Variants in MUSK observed in about 807,000 individuals in gnomAD.
MUSK encodes muscle associated receptor tyrosine kinase.
Under a neutral mutation model 88.7 loss-of-function variants are expected in MUSK, and 55 were observed. The observed-to-expected ratio is 0.62, with a 90% CI of 0.50 to 0.78. The LOEUF is 0.78. Ranked by LOEUF, MUSK falls within the 30% of genes least tolerant of loss-of-function variation. The pLI is 0.00. For missense variants in MUSK, 1,015 were observed against 1,074.3 expected, an observed-to-expected ratio of 0.94 and a Z score of 0.77; for synonymous variants, 387 against 391.9, an observed-to-expected ratio of 0.99 and a Z score of 0.15.
rs1367375733 is a variant in MUSK at position 110,801,679 on chromosome 9, T to C, written c.*691T>C. 1 of 152,230 alleles carries C rather than the reference T, an allele frequency of 6.6e-6. No individual in the cohort carries two copies. Among genetic ancestry groups the C allele is most frequent in the African/African-American group, 2.4e-5 (1 of 41,462 alleles). 9.4% of individuals were successfully genotyped at this position (152,230 alleles called of 1,614,324 possible). On this transcript the variant is annotated 3_prime_UTR_variant, in exon 15 of 15. Coordinates refer to ENST00000374448, the MANE Select transcript of MUSK (RefSeq NM_005592.4). ...TTTTTTCCTTTCTGTGCATTTGTCA[T>C]GAATTAAGTCTGCTTATTTTATTCC...
At chr9:110,675,215 C>A (rs115715796) in intron 1 of MUSK, among the ~76,000 whole-genome samples, 1 of 88,358 alleles carries the variant, frequency 1.1e-5, no homozygotes, top group Non-Finnish European at 2.1e-5. Flanking sequence ...CACATTGCCT[C>A]TTTTTTTTTT....
chr9:110,672,872 C>T (rs1219953184), intron 1 of MUSK, among the ~76,000 whole-genome samples: 6 of 152,256 alleles, frequency 3.9e-5, no homozygotes, highest in African/African-American at 1.4e-4. Context: ...AAGGTAATGT[C>T]ATGTCCTTCT....
At chr9:110,737,553 T>G (rs941500436) in intron 6 of MUSK, among the ~76,000 whole-genome samples, 2 of 152,110 alleles carry the variant, frequency 1.3e-5, no homozygotes, top group Admixed American at 1.3e-4. Context: ...AATGGTTTTG[T>G]CTTTTAGTAG....
At chr9:110,720,321 T>G (rs1235849827) in intron 5 of MUSK, among the ~76,000 whole-genome samples, 1 of 151,902 alleles carries the variant, frequency 6.6e-6, no homozygotes, top group East Asian at 1.9e-4. Context: ...TTTGAAAAGA[T>G]AAATAAAATC....
intron 7 of MUSK, among the ~76,000 whole-genome samples, chr9:110,755,954 A>ATATATATATATACACG (rs1564268738): frequency 9.0e-6 from 1 of 110,518 alleles, no homozygotes; most frequent in East Asian, 3.6e-4. Context: ...ATATATACAC[A>ATATATATATATACACG]TATATATATA....
chr9:110,727,039 TTTC>T (rs1404493308), intron 5 of MUSK, among the ~76,000 whole-genome samples: 1 of 152,120 alleles, frequency 6.6e-6, no homozygotes, highest in Non-Finnish European at 1.5e-5. Flanking sequence ...AAAAAAAAGA[TTTC>T]TTCATTTGAA....
chr9:110,723,854 CTA>C (rs1313489673), intron 5 of MUSK, among the ~76,000 whole-genome samples: 8 of 152,074 alleles, frequency 5.3e-5, no homozygotes, highest in Non-Finnish European at 7.4e-5. Context: ...ATCTCCACCA[CTA>C]TGTCTTCAAA....
At chr9:110,681,181 T>TA (rs2076131794) in intron 1 of MUSK, among the ~76,000 whole-genome samples, 2 of 97,128 alleles carry the variant, frequency 2.1e-5, no homozygotes, top group Non-Finnish European at 3.9e-5. Context: ...ATAATATATA[T>TA]TATAACAATC....
chr9:110,798,070 T>C (rs2078038573), intron 14 of MUSK, among the ~76,000 whole-genome samples: 1 of 152,196 alleles, frequency 6.6e-6, no homozygotes. Flanking sequence ...CATTTGGATA[T>C]CCAATGAACA....
rs375737188 is a variant in MUSK, at chr9:110,695,418, G to A, written c.374G>A (p.Arg125His). Residue 125 changes from arginine to histidine, a missense_variant, in exon 4 of 15, where the codon CGT (arginine) becomes CAT (histidine). Physicochemically the swap from Arg to His is conservative, Grantham distance 29. Transcript: ENST00000374448. The stretch of plus-strand genomic sequence containing the variant: ...TTCTTTTTAGAACCTAAAATAACTC[G>A]TCCTCCCATAAATGTGAAAATAATA... ...LQVKMKPKITRPPINVKIIEG... is the reference protein window; with the variant it reads ...LQVKMKPKITHPPINVKIIEG... 4.9e-5 allele frequency: 74 copies of A among 1,514,038 alleles called. 1 individual carries two copies. Among genetic ancestry groups the A allele is most frequent in the Middle Eastern group, 3.4e-4 (2 of 5,912 alleles). The allele number at this position is 1,514,038 out of a possible 1,614,324, so 93.8% of individuals were successfully genotyped here.
At chr9:110,689,567 T>G (rs2076263764) in intron 3 of MUSK, among the ~76,000 whole-genome samples, 2 of 91,992 alleles carry the variant, frequency 2.2e-5, no homozygotes, top group African/African-American at 1.0e-4. Flanking sequence ...ATATTATATA[T>G]ATTTATATAT....
At chr9:110,758,305 C>G (rs1326010211) in intron 7 of MUSK, among the ~76,000 whole-genome samples, 1 of 152,114 alleles carries the variant, frequency 6.6e-6, no homozygotes, top group Non-Finnish European at 1.5e-5. Context: ...GCATCATTTC[C>G]AAATGAATTT....
chr9:110,712,122 A>G (rs745683045), intron 5 of MUSK, among the ~76,000 whole-genome samples: 1 of 150,920 alleles, frequency 6.6e-6, no homozygotes, highest in Non-Finnish European at 1.5e-5. Flanking sequence ...TTTCCTTGTG[A>G]ATGAGTTAAA....
intron 1 of MUSK, among the ~76,000 whole-genome samples, 175 bp from the exon 2 acceptor site, chr9:110,682,499 C>T (rs2076146474): frequency 6.6e-6 from 1 of 152,064 alleles, no homozygotes; most frequent in Non-Finnish European, 1.5e-5. Context: ...TTTCAAATGC[C>T]TAGTTTGGAA....
At chr9:110,707,287 T>A (rs1029145308) in intron 5 of MUSK, among the ~76,000 whole-genome samples, 10 of 152,124 alleles carry the variant, frequency 6.6e-5, no homozygotes, top group Non-Finnish European at 1.0e-4. Context: ...AGCTGGGGGG[T>A]GTCTTTGTTA....
At chr9:110,740,326 T>G (rs1431769080) in intron 6 of MUSK, among the ~76,000 whole-genome samples, 1 of 152,238 alleles carries the variant, frequency 6.6e-6, no homozygotes, top group African/African-American at 2.4e-5. Context: ...CAGGGTTGGT[T>G]TCTGGTAAGG....
chr9:110,736,535 C>T (rs771352935), intron 6 of MUSK, among the ~76,000 whole-genome samples: 32 of 151,974 alleles, frequency 2.1e-4, no homozygotes, highest in Non-Finnish European at 4.0e-4. Context: ...AGCAAAGGGT[C>T]AAGAGATGAG....
At chr9:110,772,546 T>C (rs1588020916) in intron 9 of MUSK, among the ~76,000 whole-genome samples, 1 of 152,114 alleles carries the variant, frequency 6.6e-6, no homozygotes. Context: ...TAATATTTTA[T>C]AGAGGTTTTT....
intron 6 of MUSK, among the ~76,000 whole-genome samples, chr9:110,741,329 C>G (rs1015109366): frequency 6.6e-6 from 1 of 152,040 alleles, no homozygotes; most frequent in Admixed American, 6.6e-5. Flanking sequence ...AAAGGAGTTT[C>G]AAAAACTAAT....
Sources: gnomAD v4.1 joint callset for allele counts (sites outside exome capture counted in the v4.1 genomes callset) on GRCh38, gnomAD v4.1.1 for gene constraint, MANE v1.5 for transcripts, NCBI Gene and HGNC (gene_info 2026-07-23, HGNC 2026-07-21) for gene names.